Variants in PPHLN1 observed in about 807,000 individuals in gnomAD.
The protein encoded by PPHLN1 is periphilin-1.
In PPHLN1, 29 loss-of-function variants were observed where a neutral mutation model predicts 51.3. That is an observed-to-expected ratio of 0.57 (90% CI 0.42 to 0.77). PPHLN1 has a LOEUF of 0.77. Among genes scored for constraint, PPHLN1 ranks in the 30% least tolerant of loss-of-function variants. The pLI is 0.00. For missense variants in PPHLN1, 436 were observed against 438.4 expected, an observed-to-expected ratio of 0.99 and a Z score of 0.05; for synonymous variants, 147 against 147.8, an observed-to-expected ratio of 0.99 and a Z score of 0.04.
chr12:42,445,657 A>AT, downstream of PPHLN1: 1 of 236,328 alleles, frequency 4.2e-6, no homozygotes, highest in Non-Finnish European at 8.2e-6. Flanking sequence ...AGCGTCCAAC[A>AT]TTCCACAGGC....
intron 9 of PPHLN1, among the ~76,000 whole-genome samples, chr12:42,439,009 T>C (rs2082713772): frequency 6.6e-6 from 1 of 152,240 alleles, no homozygotes; most frequent in Non-Finnish European, 1.5e-5. Context: ...TTCATGCCCT[T>C]AACAGTGTCT....
At chr12:42,400,833 C>T (rs962171870) in intron 9 of PPHLN1, among the ~76,000 whole-genome samples, 4 of 148,998 alleles carry the variant, frequency 2.7e-5, no homozygotes, top group Admixed American at 6.7e-5. Context: ...CACACACACA[C>T]GTGCACGCAA....
intron 9 of PPHLN1, among the ~76,000 whole-genome samples, chr12:42,418,044 A>T (rs1474324317): frequency 7.1e-6 from 1 of 140,000 alleles, no homozygotes; most frequent in African/African-American, 2.7e-5. Flanking sequence ...GGTTCACGCC[A>T]TTCTCCTGCC....
chr12:42,343,266 T>C (rs756473699), intron 2 of PPHLN1, among the ~76,000 whole-genome samples: 3 of 152,242 alleles, frequency 2.0e-5, no homozygotes, highest in Non-Finnish European at 2.9e-5. Context: ...TAAATTTCTG[T>C]TCTTTTTATG....
chr12:42,327,876 G>A (rs149278778), intron 1 of PPHLN1, among the ~76,000 whole-genome samples: 36 of 152,328 alleles, frequency 2.4e-4, no homozygotes, highest in South Asian at 1.7e-3. Context: ...GGGGTCACCT[G>A]CCACTCAGCT....
chr12:42,396,615 CAAAAAAAAAAAAAAAAAAAAAAA>C (rs60131845), intron 8 of PPHLN1, among the ~76,000 whole-genome samples: 15 of 85,442 alleles, frequency 1.8e-4, no homozygotes, highest in Admixed American at 3.9e-4. Context: ...CTTGTCACTA[CAAAAAAAAAAAAAAAAAAAAAAA>C]AAAAAAAAAA....
At chr12:42,361,280 G>T (rs892975204) in intron 4 of PPHLN1, 4 of 152,212 alleles carry the variant, frequency 2.6e-5, no homozygotes, top group Non-Finnish European at 4.4e-5. Context: ...AGATCTGCTG[G>T]TACCTTGATC....
intron 7 of PPHLN1, 75 bp from the exon 8 acceptor site, chr12:42,393,495 T>C: frequency 7.3e-7 from 1 of 1,363,470 alleles, no homozygotes; most frequent in Non-Finnish European, 9.9e-7. Context: ...TAAATGTAAG[T>C]GGAGTGTACT....
Position 42,335,939 on chromosome 12 carries a change from C to A in PPHLN1, c.37C>A (p.Pro13Thr). The A allele has an allele frequency of 6.3e-7, 1 of 1,585,260 alleles. No individual in the cohort carries two copies. Among genetic ancestry groups the A allele is most frequent in the East Asian group, 2.3e-5 (1 of 43,292 alleles). Residue 13 changes from proline (P) to threonine (T), a missense_variant, in exon 2 of 10, where the codon CCG (proline) becomes ACG (threonine). By Grantham distance (38) the Pro-to-Thr change is conservative. Coordinates refer to ENST00000358314, the MANE Select transcript of PPHLN1 (RefSeq NM_201439.2). Reference sequence around the variant, plus strand: ...GGGACGATATGAATATGAAAGAATTCCGAGAGAACGAGCACCTCCTCGAAG... The same window carrying A: ...GGGACGATATGAATATGAAAGAATTACGAGAGAACGAGCACCTCCTCGAAG... ...SEGRYEYERI[P>T]RERAPPRSHP...
chr12:42,331,209 G>A (rs952895551), intron 1 of PPHLN1, among the ~76,000 whole-genome samples: 1 of 152,190 alleles, frequency 6.6e-6, no homozygotes, highest in Non-Finnish European at 1.5e-5. Flanking sequence ...ATCAATAGTT[G>A]TTGAAAGAAT....
At chr12:42,352,614 T>G (rs956513946) in intron 3 of PPHLN1, among the ~76,000 whole-genome samples, 6 of 151,528 alleles carry the variant, frequency 4.0e-5, no homozygotes, top group Admixed American at 1.3e-4. Context: ...TTCACCATGT[T>G]GGCCAGGCTG....
intron 5 of PPHLN1, among the ~76,000 whole-genome samples, chr12:42,380,587 T>A (rs1001601980): frequency 3.3e-5 from 5 of 152,132 alleles, no homozygotes; most frequent in Non-Finnish European, 5.9e-5. Flanking sequence ...TGAATAAAAT[T>A]TGAAGTCTCC....
At chr12:42,342,136 G>GT (rs2071605913) in intron 2 of PPHLN1, among the ~76,000 whole-genome samples, 1 of 152,166 alleles carries the variant, frequency 6.6e-6, no homozygotes, top group African/African-American at 2.4e-5. Flanking sequence ...TAAAGCTCTT[G>GT]TTTTTAAAGC....
chr12:42,388,960 C>T (rs1348253714), intron 7 of PPHLN1, among the ~76,000 whole-genome samples: 20 of 151,780 alleles, frequency 1.3e-4, no homozygotes, highest in East Asian at 1.9e-4. Flanking sequence ...AAAAACAGGC[C>T]GGGCATGGTG....
chr12:42,359,767 G>T (rs917219689), intron 4 of PPHLN1: 1 of 152,098 alleles, frequency 6.6e-6, no homozygotes, highest in African/African-American at 2.4e-5. Context: ...TTTGTCAGTG[G>T]GGTGTACAAA....
chr12:42,413,221 C>T (rs1043701104), intron 9 of PPHLN1, among the ~76,000 whole-genome samples: 1 of 152,114 alleles, frequency 6.6e-6, no homozygotes, highest in East Asian at 1.9e-4. Context: ...CCCAGGTTAT[C>T]TTCTAGAATT....
At chr12:42,401,962 C>A (rs1268386733) in intron 9 of PPHLN1, among the ~76,000 whole-genome samples, 1 of 152,092 alleles carries the variant, frequency 6.6e-6, no homozygotes, top group Non-Finnish European at 1.5e-5. Context: ...TCAAGCAATA[C>A]TCCCACCTCA....
At chr12:42,334,689 C>T (rs1017230837) in intron 1 of PPHLN1, among the ~76,000 whole-genome samples, 1 of 152,196 alleles carries the variant, frequency 6.6e-6, no homozygotes, top group Admixed American at 6.5e-5. Context: ...AAGGTACTAA[C>T]TTACTACCTG....
At chr12:42,387,335 G>A in intron 6 of PPHLN1, 121 bp from the exon 7 acceptor site, 1 of 1,011,520 alleles carries the variant, frequency 9.9e-7, no homozygotes, top group South Asian at 1.8e-5. Context: ...ATGTAATAAT[G>A]TAATGAAAAG....
Sources: allele counts gnomAD v4.1 joint callset (sites outside exome capture counted in the v4.1 genomes callset), GRCh38; gene constraint gnomAD v4.1.1; transcripts MANE v1.5; gene names NCBI Gene and HGNC (gene_info 2026-07-23, HGNC 2026-07-21).